DLAT: variants seen among roughly 807,000 people sequenced by gnomAD.
The protein encoded by DLAT is dihydrolipoamide S-acetyltransferase.
Under a neutral mutation model 68.0 loss-of-function variants are expected in DLAT, and 43 were observed. The ratio of observed to expected loss-of-function variants is 0.63; its 90% confidence interval spans 0.50 to 0.81. The LOEUF (loss-of-function observed/expected upper bound fraction) is 0.81, where lower values mean the gene tolerates loss of function less well. Among genes scored for constraint, DLAT ranks in the 40% least tolerant of loss-of-function variants. The pLI is 0.00. For missense variants in DLAT, 745 were observed against 815.4 expected (o/e 0.91, Z 1.05); for synonymous variants, 265 against 288.6 (o/e 0.92, Z 0.83).
intron 4 of DLAT, chr11:112,029,883 T>C: frequency 4.6e-6 from 3 of 649,828 alleles, no homozygotes; most frequent in African/African-American, 1.8e-5. Context: ...GGGCTTATTG[T>C]TGGGGCCTGT....
intron 5 of DLAT, among the ~76,000 whole-genome samples, chr11:112,035,900 C>G (rs1329035259): frequency 1.3e-5 from 2 of 150,208 alleles, no homozygotes; most frequent in Non-Finnish European, 2.9e-5. Flanking sequence ...AAGCAATTCT[C>G]CTGCCTCAGC....
chr11:112,043,699 A>C (rs937072515), intron 8 of DLAT, among the ~76,000 whole-genome samples, 166 bp downstream of exon 8: 3 of 152,220 alleles, frequency 2.0e-5, no homozygotes, highest in Non-Finnish European at 4.4e-5. Context: ...GGTTGGTTCC[A>C]GGAGCCCCCT....
chr11:112,051,381 C>T lies in DLAT; in HGVS notation c.1514+32C>T, dbSNP rs782260033. ...ATAACTGGGGAAGATATATATCCATCGGTAGTTTTCTTGTATTATTTAATG... is the reference window on the plus strand; with the variant it reads ...ATAACTGGGGAAGATATATATCCATTGGTAGTTTTCTTGTATTATTTAATG... On this transcript the variant is annotated intron_variant, in intron 11 of 13. Transcript: ENST00000280346. This position sits in a 1 kb window ranked among gnomAD's most constrained non-coding sequence, Gnocchi z 4.3. 9.6e-6 allele frequency: 14 copies of T among 1,457,376 alleles called. No homozygotes were observed. Among genetic ancestry groups the T allele is most frequent in the Admixed American group, 6.7e-5 (4 of 59,798 alleles). The allele number at this position is 1,457,376 out of a possible 1,614,324, so 90.3% of individuals were successfully genotyped here. A position where few individuals can be genotyped will look rare whatever the true frequency, so the allele number is the denominator to read the frequency against.
chr11:112,031,422 T>A (rs1219301642), intron 4 of DLAT, among the ~76,000 whole-genome samples: 6 of 152,166 alleles, frequency 3.9e-5, no homozygotes, highest in Admixed American at 2.6e-4. Flanking sequence ...TTATTTTTAT[T>A]TATTTATTTT....
intron 2 of DLAT, among the ~76,000 whole-genome samples, chr11:112,026,946 A>AC (rs587770657): frequency 0.014 from 1,947 of 142,338 alleles, 31 homozygotes; most frequent in African/African-American, 0.044. Context: ...GCGGGGGCTG[A>AC]CCCCCCCACT....
chr11:112,046,010 A>C, intron 10 of DLAT, 40 bp downstream of exon 10: 2 of 1,272,940 alleles, frequency 1.6e-6, no homozygotes, highest in Non-Finnish European at 2.3e-6. Context: ...AGTTATAAAA[A>C]TTTTGTCTTT....
chr11:112,034,899 G>A lies in DLAT; in HGVS notation c.787+1369G>A, dbSNP rs587716964. Among the ~76,000 whole-genome samples, 107 of 151,392 alleles carry A rather than the reference G, an allele frequency of 7.1e-4. No individual in the cohort carries two copies. In the East Asian group the frequency reaches 9.2e-3, roughly 13 times the overall value. On this transcript the variant is annotated intron_variant, in intron 5 of 13. Transcript: ENST00000280346. The stretch of plus-strand genomic sequence containing the variant: ...AGCAATTCTCCTGCCTCAGCCTCCC[G>A]AGTAGCTGGGACTACAGGCATGCAC...
At chr11:112,061,774 G>A (rs1469760954) in intron 13 of DLAT, among the ~76,000 whole-genome samples, 1 of 152,108 alleles carries the variant, frequency 6.6e-6, no homozygotes, top group Non-Finnish European at 1.5e-5. Flanking sequence ...TAGTAGACAT[G>A]TTGTTTCACC....
At position 112,028,559 on chromosome 11, in the gene DLAT, G is replaced by C; in HGVS notation, c.426G>C (p.Glu142Asp). The C allele has an allele frequency of 6.2e-7, 1 of 1,614,150 alleles. No homozygotes were observed. The highest frequency in any genetic ancestry group is 2.2e-5 in the East Asian group (1 of 44,886). The change falls in exon 3 of 14, where the codon GAG becomes GAC. Residue 142 changes from glutamate to aspartate, a missense_variant. By Grantham distance (45) the Glu-to-Asp change is conservative. Coordinates refer to ENST00000280346, the MANE Select transcript of DLAT (RefSeq NM_001931.5). ...KATVGFESLE[E>D]CYMAKILVAE... is the part of the protein sequence containing the mutation. ...CTGTTGGATTTGAGAGCCTGGAGGA[G>C]TGTTATATGGCAAAGATACTTGTTG...
intron 4 of DLAT, among the ~76,000 whole-genome samples, chr11:112,029,666 C>CA (rs1466464024): frequency 6.7e-6 from 1 of 148,806 alleles, no homozygotes; most frequent in South Asian, 2.1e-4. Context: ...TTTCCACATA[C>CA]AAAAAAACTT....
intron 11 of DLAT, among the ~76,000 whole-genome samples, chr11:112,056,864 A>G (rs1417594520): frequency 6.6e-6 from 1 of 152,176 alleles, no homozygotes; most frequent in Non-Finnish European, 1.5e-5. Flanking sequence ...AGTGAGAACC[A>G]TCTACTTGTG....
At chr11:112,044,193 T>G (rs935897165) in intron 8 of DLAT, among the ~76,000 whole-genome samples, 1 of 152,042 alleles carries the variant, frequency 6.6e-6, no homozygotes, top group African/African-American at 2.4e-5. Context: ...TGGTGTTTGG[T>G]TTTTTTTGTT....
chr11:112,042,524 C>T (rs1262136435), intron 7 of DLAT, among the ~76,000 whole-genome samples: 2 of 152,212 alleles, frequency 1.3e-5, no homozygotes, highest in Non-Finnish European at 2.9e-5. Flanking sequence ...CTACACACAA[C>T]AAGAGTCCTT....
In DLAT at chr11:112,028,517, T is replaced by A. The variant is rs1299078241; in HGVS notation, c.384T>A (p.Val128=). 1 of 1,613,826 alleles carries A rather than the reference T, an allele frequency of 6.2e-7. No homozygotes were observed. ...KINEGDLIAE[V]ETDKATVGFE... The stretch of plus-strand genomic sequence containing the variant: ...GCTACTGCTTTTTGTGTTAAAAGGT[T>A]GAAACTGATAAAGCCACTGTTGGAT... Residue 128 remains valine, a splice_region_variant and synonymous_variant, in exon 3 of 14, where the codon GTT becomes GTA. Transcript: ENST00000280346.
intron 13 of DLAT, among the ~76,000 whole-genome samples, chr11:112,061,806 A>C (rs1555183302): frequency 2.0e-5 from 3 of 152,120 alleles, no homozygotes; most frequent in Non-Finnish European, 4.4e-5. Context: ...GCTGGTCTTG[A>C]TCCTGACCTC....
At chr11:112,036,193 GTGTGTGTGTTTTTTTTTTT>G (rs1862742163) in intron 5 of DLAT, among the ~76,000 whole-genome samples, 2 of 73,676 alleles carry the variant, frequency 2.7e-5, no homozygotes, top group East Asian at 3.7e-4. Context: ...GTGTGTGTGT[GTGTGTGTGTTTTTTTTTTT>G]TTTTTTTTTT....
intron 9 of DLAT, 104 bp downstream of exon 9, chr11:112,045,334 G>C (rs1254506028): frequency 4.1e-6 from 4 of 977,782 alleles, no homozygotes; most frequent in African/African-American, 1.6e-5. Context: ...TTTAAGTTGG[G>C]AATATTGGAT....
In DLAT at chr11:112,037,435, A is replaced by G. The variant is rs781874709; in HGVS notation, c.950A>G (p.Gln317Arg). 2 of 1,614,158 alleles carry G rather than the reference A, an allele frequency of 1.2e-6. No homozygotes were observed. Among genetic ancestry groups the G allele is most frequent in the Admixed American group, 3.3e-5 (2 of 60,002 alleles). Residue 317 changes from glutamine to arginine, a missense_variant, in exon 6 of 14, where the codon CAA (glutamine) becomes CGA (arginine). Transcript: ENST00000280346. ...ACCGAAGTAACAGATTTAAAACCAC[A>G]AGTGCCACCACCTACCCCACCCCCG... ...RPTEVTDLKP[Q>R]VPPPTPPPVA...
intron 13 of DLAT, chr11:112,061,458 A>G (rs1864619266): frequency 1.1e-5 from 4 of 376,550 alleles, no homozygotes; most frequent in Non-Finnish European, 1.9e-5. Flanking sequence ...TGCTTACTGG[A>G]AATTTGTGGA....
Sources: allele counts gnomAD v4.1 joint callset (sites outside exome capture counted in the v4.1 genomes callset), GRCh38; gene constraint gnomAD v4.1.1; non-coding constraint Gnocchi (gnomAD v3.1); transcripts MANE v1.5; gene names NCBI Gene and HGNC (gene_info 2026-07-23, HGNC 2026-07-21).